The following NKAIN3 variants were observed in gnomAD, a reference collection of about 807,000 sequenced individuals.
NKAIN3 encodes the protein sodium/potassium transporting ATPase interacting 3.
In NKAIN3, 25 loss-of-function variants were observed where a neutral mutation model predicts 30.2. The observed-to-expected ratio is 0.83, with a 90% CI of 0.60 to 1.16. NKAIN3 has a LOEUF of 1.16. Ranked by LOEUF, NKAIN3 falls within the 50% of genes most tolerant of loss-of-function variation. NKAIN3 has a pLI of 0.00. For synonymous variants in NKAIN3, 91 were observed against 89.6 expected (o/e 1.02, Z -0.09); for missense variants, 225 against 254.1 (o/e 0.89, Z 0.78).
intron 4 of NKAIN3, among the ~76,000 whole-genome samples, chr8:62,862,590 T>C (rs1820285111): frequency 6.6e-6 from 1 of 152,142 alleles, no homozygotes; most frequent in African/African-American, 2.4e-5. Context: ...AAAAGAGTAC[T>C]GAAAATCATT....
rs1305597539 is a variant in NKAIN3, at chr8:62,794,618, C to T, written c.471+47489C>T. On this transcript the variant is annotated intron_variant, in intron 4 of 6. Coordinates refer to ENST00000623646, the MANE Select transcript of NKAIN3 (RefSeq NM_001304533.3). ...GAAACGGAGATCTGTTTGAGCTCAG[C>T]CCTTCTTCTAGCCTCATGTTCTTTC... Among the ~76,000 whole-genome samples the T allele has an allele frequency of 5.9e-5, 9 of 152,154 alleles. No individual in the cohort carries two copies. The South Asian group carries it at 1.9e-3, about 32-fold the overall frequency.
chr8:62,489,239 A>G (rs1483910021), intron 1 of NKAIN3, among the ~76,000 whole-genome samples: 1 of 149,384 alleles, frequency 6.7e-6, no homozygotes, highest in South Asian at 2.1e-4. Context: ...GTTAGCCAGG[A>G]TGGTCTCGAT....
chr8:62,681,786 A>T (rs919200945), intron 3 of NKAIN3, among the ~76,000 whole-genome samples: 8 of 152,228 alleles, frequency 5.3e-5, no homozygotes, highest in Non-Finnish European at 8.8e-5. Context: ...CGCTTTATAA[A>T]TGTATAATCT....
chr8:62,280,747 C>T (rs957552987), intron 1 of NKAIN3, among the ~76,000 whole-genome samples: 1 of 152,116 alleles, frequency 6.6e-6, no homozygotes, highest in African/African-American at 2.4e-5. Context: ...GGTGGATAAG[C>T]TTTTTGATGT....
At chr8:62,317,896 T>C (rs1045427051) in intron 1 of NKAIN3, among the ~76,000 whole-genome samples, 6 of 152,238 alleles carry the variant, frequency 3.9e-5, no homozygotes, top group Non-Finnish European at 8.8e-5. Flanking sequence ...ATATTGATTC[T>C]TCCTACCCAT....
intron 4 of NKAIN3, among the ~76,000 whole-genome samples, chr8:62,777,837 T>C (rs1379174196): frequency 3.9e-5 from 6 of 152,134 alleles, no homozygotes; most frequent in Admixed American, 1.3e-4. Context: ...CACCTCCTTC[T>C]TGGAAACACT....
At chr8:62,963,767 G>A (rs990064042) in intron 6 of NKAIN3, among the ~76,000 whole-genome samples, 15 of 152,166 alleles carry the variant, frequency 9.9e-5, no homozygotes, top group African/African-American at 2.9e-4. Flanking sequence ...TGGGGCACAG[G>A]GAGAGGCCTG....
At position 62,808,570 on chromosome 8, in the gene NKAIN3, G is replaced by C. The variant is rs192061468; in HGVS notation, c.471+61441G>C. On this transcript the variant is annotated intron_variant, in intron 4 of 6. Transcript: ENST00000623646. ...GAGTACCAAAGAGAGAAATTTTAAAGCTGAGTGTCTGGGGGAGACATCACA... is the reference window on the plus strand; with the variant it reads ...GAGTACCAAAGAGAGAAATTTTAAACCTGAGTGTCTGGGGGAGACATCACA... Among the ~76,000 whole-genome samples, 925 of 152,212 alleles carry C rather than the reference G, an allele frequency of 6.1e-3. 3 individuals are homozygous for C. Among genetic ancestry groups the C allele is most frequent in the Non-Finnish European group, 0.011 (720 of 68,028 alleles).
At chr8:62,745,924 C>G (rs1002761835) in intron 3 of NKAIN3, among the ~76,000 whole-genome samples, 10 of 152,220 alleles carry the variant, frequency 6.6e-5, no homozygotes, top group African/African-American at 2.4e-4. Flanking sequence ...CCACCACTAA[C>G]TAGCTATGCT....
At chr8:62,734,671 G>A (rs766073000) in intron 3 of NKAIN3, among the ~76,000 whole-genome samples, 3 of 152,130 alleles carry the variant, frequency 2.0e-5, no homozygotes, top group Admixed American at 6.5e-5. Context: ...ATACAGTCAC[G>A]GAAAGGAGAA....
At chr8:62,720,561 A>C (rs547620456) in intron 3 of NKAIN3, among the ~76,000 whole-genome samples, 35 of 152,308 alleles carry the variant, frequency 2.3e-4, no homozygotes, top group African/African-American at 8.4e-4. Flanking sequence ...ATGTTATAAA[A>C]TTCTCTTTTC....
rs573530830 is a variant in NKAIN3, at chr8:62,440,979, T to G, written c.55-138560T>G. ...ATGCGGAACCTGTCTTGTGCTGCCA[T>G]GTTACCCGCCTCCATTTTGAAGGCT... On this transcript the variant is annotated intron_variant, in intron 1 of 6. Transcript: ENST00000623646. Among the ~76,000 whole-genome samples, 10 of 152,284 alleles carry G rather than the reference T, an allele frequency of 6.6e-5. No homozygotes were observed. In the East Asian group the frequency reaches 1.9e-3, roughly 29 times the overall value.
intron 3 of NKAIN3, among the ~76,000 whole-genome samples, chr8:62,608,360 T>C (rs539679593): frequency 2.0e-5 from 3 of 152,154 alleles, no homozygotes; most frequent in Non-Finnish European, 4.4e-5. Flanking sequence ...ATAATAGAGA[T>C]TAGTATTAGA....
chr8:62,538,171 TTTG>T (rs969306575), intron 1 of NKAIN3, among the ~76,000 whole-genome samples: 3 of 152,026 alleles, frequency 2.0e-5, no homozygotes, highest in African/African-American at 7.2e-5. Flanking sequence ...AGGTAGCTTG[TTTG>T]TTGTTGTTTT....
chr8:62,567,521 A>C (rs1188511283), intron 1 of NKAIN3, among the ~76,000 whole-genome samples: 1 of 152,170 alleles, frequency 6.6e-6, no homozygotes, highest in Non-Finnish European at 1.5e-5. Flanking sequence ...TGGAAATTGA[A>C]AGTTTTCCTA....
At chr8:62,574,974 A>G (rs1453908845) in intron 1 of NKAIN3, among the ~76,000 whole-genome samples, 1 of 152,114 alleles carries the variant, frequency 6.6e-6, no homozygotes, top group East Asian at 1.9e-4. Context: ...AATTACCTCA[A>G]CAAATAAAAG....
At chr8:62,919,495 T>G (rs1250275125) in intron 5 of NKAIN3, among the ~76,000 whole-genome samples, 1 of 152,048 alleles carries the variant, frequency 6.6e-6, no homozygotes, top group Non-Finnish European at 1.5e-5. Context: ...TCCACCCGCC[T>G]CGGCCTCCCA....
chr8:62,800,807 G>A (rs1019852616), intron 4 of NKAIN3, among the ~76,000 whole-genome samples: 1 of 152,188 alleles, frequency 6.6e-6, no homozygotes, highest in African/African-American at 2.4e-5. Flanking sequence ...CTGAAGCAGG[G>A]CGAGGCATTG....
chr8:62,261,799 C>G (rs994715738), intron 1 of NKAIN3, among the ~76,000 whole-genome samples: 1 of 152,142 alleles, frequency 6.6e-6, no homozygotes, highest in African/African-American at 2.4e-5. Context: ...TGTTACAATG[C>G]GGAACAAAAT....
Sources: gnomAD v4.1 joint callset for allele counts (sites outside exome capture counted in the v4.1 genomes callset) on GRCh38, gnomAD v4.1.1 for gene constraint, MANE v1.5 for transcripts, NCBI Gene and HGNC (gene_info 2026-07-23, HGNC 2026-07-21) for gene names.